LUZP2: variants seen among roughly 807,000 people sequenced by gnomAD.
LUZP2 encodes leucine zipper protein 2.
A neutral mutation model predicts 51.6 loss-of-function variants in LUZP2; 52 were observed. The observed-to-expected ratio is 1.01, with a 90% CI of 0.81 to 1.27. The LOEUF (loss-of-function observed/expected upper bound fraction) is 1.27, where lower values mean the gene tolerates loss of function less well. Ranked by LOEUF, LUZP2 falls within the 50% of genes most tolerant of loss-of-function variation. LUZP2 has a pLI of 0.00. For missense variants in LUZP2, 436 were observed against 395.4 expected, an observed-to-expected ratio of 1.10 and a Z score of -0.87; for synonymous variants, 154 against 137.3, an observed-to-expected ratio of 1.12 and a Z score of -0.85.
intron 5 of LUZP2, among the ~76,000 whole-genome samples, chr11:24,765,949 A>C (rs1860175792): frequency 6.6e-6 from 1 of 151,906 alleles, no homozygotes. Flanking sequence ...TTTGTAGAGA[A>C]GGGGTTTCTC....
intron 1 of LUZP2, among the ~76,000 whole-genome samples, chr11:24,634,590 T>C (rs961148339): frequency 6.6e-6 from 1 of 151,596 alleles, no homozygotes; most frequent in African/African-American, 2.4e-5. Context: ...GTGTTTTGCA[T>C]TACTGCTTTT....
chr11:24,813,813 C>G (rs895477712), intron 5 of LUZP2, among the ~76,000 whole-genome samples: 2 of 152,220 alleles, frequency 1.3e-5, no homozygotes, highest in Admixed American at 6.5e-5. Flanking sequence ...ATGCCCCTCC[C>G]TTCTTCACCT....
At chr11:24,941,027 A>C (rs1372434356) in intron 7 of LUZP2, among the ~76,000 whole-genome samples, 1 of 152,136 alleles carries the variant, frequency 6.6e-6, no homozygotes, top group Non-Finnish European at 1.5e-5. Flanking sequence ...TTTTGCTCTT[A>C]GGCAAGCTGG....
chr11:24,862,503 T>C (rs1248865245), intron 5 of LUZP2, among the ~76,000 whole-genome samples: 1 of 152,142 alleles, frequency 6.6e-6, no homozygotes, highest in Non-Finnish European at 1.5e-5. Context: ...GTGTGCAGCA[T>C]TATGATGAAA....
chr11:24,919,900 C>T (rs569516187), intron 7 of LUZP2, among the ~76,000 whole-genome samples: 1 of 151,408 alleles, frequency 6.6e-6, no homozygotes, highest in African/African-American at 2.4e-5. Context: ...TTATTTTATA[C>T]TGGATGTTTT....
At chr11:25,018,728 C>T (rs2133970732) in intron 9 of LUZP2, among the ~76,000 whole-genome samples, 1 of 151,494 alleles carries the variant, frequency 6.6e-6, no homozygotes, top group African/African-American at 2.4e-5. Context: ...ATGCCTCAGC[C>T]TCTCAAGTAG....
At chr11:24,942,570 TTTTG>T (rs1389408064) in intron 7 of LUZP2, among the ~76,000 whole-genome samples, 3 of 152,220 alleles carry the variant, frequency 2.0e-5, no homozygotes, top group Admixed American at 6.5e-5. Context: ...ATATTGGATT[TTTTG>T]TTTTCTAATA....
At chr11:24,555,096 C>A (rs991341285) in intron 1 of LUZP2, among the ~76,000 whole-genome samples, 1 of 151,804 alleles carries the variant, frequency 6.6e-6, no homozygotes, top group African/African-American at 2.4e-5. Flanking sequence ...AACCCAAAAC[C>A]GAGCCCAGTC....
Position 24,920,359 on chromosome 11 carries a change from T to G in LUZP2, c.522+5821T>G, listed in dbSNP as rs554088535. Among the ~76,000 whole-genome samples the G allele has an allele frequency of 3.8e-4, 58 of 152,158 alleles. 1 individual carries two copies. The highest frequency in any genetic ancestry group is 1.4e-3 in the African/African-American group (57 of 41,576). ...TATACTATAGTGATACATTTTTCCC[T>G]GTGTATTGTTAGTTTCTATATGCAT... On this transcript the variant is annotated intron_variant, in intron 7 of 11. Transcript: ENST00000336930.
At chr11:25,031,906 CAAAG>C (rs1177264121) in intron 9 of LUZP2, among the ~76,000 whole-genome samples, 1 of 151,832 alleles carries the variant, frequency 6.6e-6, no homozygotes, top group Admixed American at 6.6e-5. Flanking sequence ...GATTACGTGA[CAAAG>C]AACAACTAAA....
intron 1 of LUZP2, among the ~76,000 whole-genome samples, chr11:24,648,406 G>A (rs1246106808): frequency 6.6e-6 from 1 of 151,824 alleles, no homozygotes; most frequent in Non-Finnish European, 1.5e-5. Context: ...CATATTTAGG[G>A]AATTTGTTGC....
chr11:24,756,556 T>G (rs1859782025), intron 4 of LUZP2, among the ~76,000 whole-genome samples: 1 of 152,144 alleles, frequency 6.6e-6, no homozygotes, highest in Non-Finnish European at 1.5e-5. Flanking sequence ...TTATTATTTC[T>G]CTTTCCGAGC....
intron 1 of LUZP2, among the ~76,000 whole-genome samples, chr11:24,665,425 C>T (rs544137691): frequency 6.6e-6 from 1 of 152,196 alleles, no homozygotes; most frequent in East Asian, 1.9e-4. Flanking sequence ...TGAGTTAAGA[C>T]TTTGGGAGAC....
intron 5 of LUZP2, among the ~76,000 whole-genome samples, chr11:24,770,761 A>G (rs1860378964): frequency 4.6e-5 from 7 of 152,202 alleles, no homozygotes; most frequent in Admixed American, 4.6e-4. Context: ...TTGTTCTTTT[A>G]AGAAAGGAAT....
At chr11:25,057,651 G>A (rs1195188460) in intron 10 of LUZP2, among the ~76,000 whole-genome samples, 5 of 152,004 alleles carry the variant, frequency 3.3e-5, no homozygotes, top group African/African-American at 7.2e-5. Context: ...CAATGTAAAC[G>A]TGTTTTGCAA....
rs147704880 is a variant in LUZP2, at chr11:24,732,123, A to T, written c.186A>T (p.Leu62Phe). The T allele has an allele frequency of 6.2e-7, 1 of 1,606,794 alleles. No individual in the cohort carries two copies. The highest frequency in any genetic ancestry group is 8.5e-7 in the Non-Finnish European group (1 of 1,175,442). The change falls in exon 3 of 12, where the codon TTA becomes TTT. Residue 62 changes from leucine (L) to phenylalanine (F), a missense_variant. Coordinates refer to ENST00000336930, the MANE Select transcript of LUZP2 (RefSeq NM_001009909.4). ...TTTTCCACTTTTCTTATCAGTCCTT[A>T]AAAAACGATGAGCAGTCTGCCAAAA... ...LDGIKVNLQS[L>F]KNDEQSAKTD...
intron 8 of LUZP2, among the ~76,000 whole-genome samples, chr11:24,979,103 T>G (rs529756167): frequency 6.6e-6 from 1 of 151,904 alleles, no homozygotes; most frequent in East Asian, 1.9e-4. Context: ...TTTATAATGG[T>G]GATGAGAAAA....
rs147312333 is a variant in LUZP2 at position 24,706,018 on chromosome 11, C to T, written c.63-23151C>T. ...ACAGCTTAAACTAGGGCTTGTAACG[C>T]CCAGGGTGAGACTACCTATGAGGGC... is the stretch of plus-strand genomic sequence containing the variant. On this transcript the variant is annotated intron_variant, in intron 1 of 11. Coordinates refer to ENST00000336930, the MANE Select transcript of LUZP2 (RefSeq NM_001009909.4). Among the ~76,000 whole-genome samples the T allele has an allele frequency of 3.3e-3, 500 of 151,936 alleles. 7 individuals are homozygous for T. Among genetic ancestry groups the T allele is most frequent in the Admixed American group, 0.028 (422 of 15,256 alleles).
intron 5 of LUZP2, among the ~76,000 whole-genome samples, chr11:24,841,425 A>G (rs1030947402): frequency 2.6e-5 from 4 of 152,042 alleles, no homozygotes; most frequent in African/African-American, 9.7e-5. Context: ...TTGTTACACC[A>G]GCCCAAACTA....
Sources: gnomAD v4.1 joint callset for allele counts (sites outside exome capture counted in the v4.1 genomes callset) on GRCh38, gnomAD v4.1.1 for gene constraint, MANE v1.5 for transcripts, NCBI Gene and HGNC (gene_info 2026-07-23, HGNC 2026-07-21) for gene names.